TRMT2B: variants seen among roughly 807,000 people sequenced by gnomAD.
TRMT2B encodes tRNA methyltransferase 2B, also known as tRNA (uracil-5-)-methyltransferase homolog B.
A neutral mutation model predicts 39.7 loss-of-function variants in TRMT2B; 34 were observed. The observed-to-expected ratio is 0.86, with a 90% confidence interval of 0.65 to 1.14. The LOEUF (loss-of-function observed/expected upper bound fraction) is 1.14. Among genes scored for constraint, TRMT2B ranks in the 50% most tolerant of loss-of-function variants. The pLI is 0.00. For missense variants in TRMT2B, 318 were observed against 377.2 expected, an observed-to-expected ratio of 0.84 and a Z score of 1.30; for synonymous variants, 132 against 137.3, an observed-to-expected ratio of 0.96 and a Z score of 0.27.
chrX:101,005,573 CTTT>C (rs10567072), downstream of TRMT2B, among the ~76,000 whole-genome samples: 56 of 91,721 alleles, frequency 6.1e-4, no homozygotes, highest in Middle Eastern at 5.6e-3. Context: ...ATTCAGCTGC[CTTT>C]TTTTTTTTTT....
At chrX:100,977,369 C>CTTTTTTT in the TRMT2B span, among the ~76,000 whole-genome samples, 17 of 56,451 alleles carry the variant, frequency 3.0e-4, no homozygotes, top group African/African-American at 7.9e-4. Context: ...CTACTCTCTT[C>CTTTTTTT]TTTTTTTTTT....
downstream of TRMT2B, among the ~76,000 whole-genome samples, chrX:101,006,620 T>C (rs746456558): frequency 4.5e-5 from 5 of 109,979 alleles, no homozygotes; most frequent in South Asian, 2.0e-3. Flanking sequence ...CTTAGCAAGA[T>C]GGTGAGATCT....
At chrX:100,997,395 A>G in the TRMT2B span, among the ~76,000 whole-genome samples, 3 of 111,999 alleles carry the variant, frequency 2.7e-5, no homozygotes, top group Non-Finnish European at 5.6e-5. Flanking sequence ...TCACATTAAC[A>G]TTATCATCAT....
chrX:101,026,988 G>A (rs951402799), intron 7 of TRMT2B, among the ~76,000 whole-genome samples: 3 of 111,137 alleles, frequency 2.7e-5, no homozygotes, highest in Non-Finnish European at 5.7e-5. Flanking sequence ...CTAATCACAA[G>A]AACTGAACCT....
In TRMT2B at chrX:101,009,428, G is replaced by A. The variant is rs974670714; in HGVS notation, c.*1153C>T. 1 of 110,142 alleles carries A rather than the reference G, an allele frequency of 9.1e-6. No individual in the cohort carries two copies. The highest frequency in any genetic ancestry group is 3.9e-4 in the South Asian group (1 of 2,566). 9.1% of individuals were successfully genotyped at this position (110,142 alleles called of 1,213,427 possible). A position where few individuals can be genotyped will look rare whatever the true frequency, so the allele number is the denominator to read the frequency against. The stretch of plus-strand genomic sequence containing the variant: ...CTCCACACTACACAGCACAATTATA[G>A]GTATTCAGTCTCTCTGAAAATCTCC... On this transcript the variant is annotated 3_prime_UTR_variant, in exon 14 of 14. Coordinates refer to ENST00000372936, the MANE Select transcript of TRMT2B (RefSeq NM_024917.6).
chrX:100,981,648 G>GA, the TRMT2B span, among the ~76,000 whole-genome samples: 236 of 98,315 alleles, frequency 2.4e-3, no homozygotes, highest in African/African-American at 8.1e-3. Context: ...AAAAAAAAAA[G>GA]AAAAAAAAAA....
In TRMT2B at chrX:101,024,879, C is replaced by G. The variant is rs143565911; in HGVS notation, c.610-1263G>C. Among the ~76,000 whole-genome samples the G allele has an allele frequency of 7.5e-3, 816 of 109,432 alleles. 13 individuals carry two copies. The highest frequency in any genetic ancestry group is 0.01 in the Non-Finnish European group (529 of 52,562). Reference sequence around the variant, plus strand: ...AGGCATGGTGACACACGCCTGTAGCCCCAGCTACTCAAGAAGGTGGGGTGG... The same window carrying G: ...AGGCATGGTGACACACGCCTGTAGCGCCAGCTACTCAAGAAGGTGGGGTGG... On this transcript the variant is annotated intron_variant, in intron 7 of 13. Transcript: ENST00000372936.
the TRMT2B span, among the ~76,000 whole-genome samples, chrX:101,004,329 T>C: frequency 4.6e-4 from 50 of 109,639 alleles, no homozygotes; most frequent in African/African-American, 1.6e-3. Flanking sequence ...TATAAAACCC[T>C]ATCACACAGA....
At position 101,019,337 on chromosome X, in the gene TRMT2B, T is replaced by C; in HGVS notation, c.1235A>G (p.Lys412Arg). ...AGCAACAATTGACTGTCCATCTTCC[T>C]TTGACTTTAGCAGCCCTGGCAAAAT... Reference protein sequence around the residue: ...EKILPGLLKSKEDGQSIVAVV... With the variant: ...EKILPGLLKSREDGQSIVAVV... Residue 412 changes from lysine (K) to arginine (R), a missense_variant, in exon 12 of 14, where the codon AAG becomes AGG. Transcript: ENST00000372936. The C allele has an allele frequency of 8.3e-7, 1 of 1,211,590 alleles. No homozygotes were observed. The highest frequency in any genetic ancestry group is 1.8e-5 in the South Asian group (1 of 56,987).
At chrX:101,050,823 C>T (rs1169021199) in intron 2 of TRMT2B, among the ~76,000 whole-genome samples, 1 of 110,884 alleles carries the variant, frequency 9.0e-6, no homozygotes, top group African/African-American at 3.3e-5. Flanking sequence ...GCAGCCGGAT[C>T]ACAAGGTCAG....
At chrX:101,004,609 C>T (rs1019573815), downstream of TRMT2B, among the ~76,000 whole-genome samples, 1 of 111,033 alleles carries the variant, frequency 9.0e-6, no homozygotes, top group African/African-American at 3.3e-5. Flanking sequence ...TCAAGCAATT[C>T]TCCTGCCTCA....
the TRMT2B span, among the ~76,000 whole-genome samples, chrX:100,989,737 C>G: frequency 8.9e-6 from 1 of 112,382 alleles, no homozygotes. Flanking sequence ...TCCTTAGCAC[C>G]TCAGTCTCCA....
the TRMT2B span, among the ~76,000 whole-genome samples, chrX:100,985,085 C>G: frequency 2.9e-4 from 32 of 111,763 alleles, no homozygotes; most frequent in African/African-American, 9.1e-4. Flanking sequence ...TAAACAAGAT[C>G]AAAATTGACA....
chrX:101,020,440 G>A, intron 11 of TRMT2B, 47 bp downstream of exon 11: 1 of 1,066,047 alleles, frequency 9.4e-7, no homozygotes, highest in South Asian at 1.9e-5. Flanking sequence ...CCATAGCACA[G>A]AAACAACTGC....
the TRMT2B span, among the ~76,000 whole-genome samples, chrX:100,984,710 A>G: frequency 1.8e-5 from 2 of 112,011 alleles, no homozygotes. Flanking sequence ...GCAAGCACAA[A>G]AAGAGGTGAA....
chrX:101,037,981 C>T lies in TRMT2B; in HGVS notation c.374G>A (p.Ser125Asn). The change falls in exon 5 of 14, where the codon AGT (serine) becomes AAT (asparagine). Residue 125 changes from serine (S) to asparagine (N), a missense_variant. Transcript: ENST00000372936. ...AGATTTGGGTACAGCCGTTGTCACA[C>T]TGACTCCATTGAGCATTTGGATGTA... is the stretch of plus-strand genomic sequence containing the variant. ...ESYIQMLNGV[S>N]VTTAVPKSER... 8.3e-7 allele frequency: 1 copy of T among 1,209,061 alleles called. No homozygotes were observed. The highest frequency in any genetic ancestry group is 1.1e-6 in the Non-Finnish European group (1 of 893,301).
At chrX:101,025,102 T>C (rs753534490) in intron 7 of TRMT2B, among the ~76,000 whole-genome samples, 2 of 111,598 alleles carry the variant, frequency 1.8e-5, no homozygotes. Flanking sequence ...GTCTGACATA[T>C]GTGTTCAATA....
intron 2 of TRMT2B, among the ~76,000 whole-genome samples, chrX:101,045,587 T>C (rs978451183): frequency 2.9e-5 from 3 of 105,218 alleles, no homozygotes; most frequent in African/African-American, 1.0e-4. Context: ...CTGAGCAACA[T>C]AGTGAAATCT....
intron 5 of TRMT2B, 87 bp from the exon 6 acceptor site, chrX:101,037,160 T>G: frequency 1.4e-6 from 1 of 730,162 alleles, no homozygotes; most frequent in Non-Finnish European, 2.1e-6. Flanking sequence ...GAATGTTCTC[T>G]GGATGAGGAC....
Sources: allele counts gnomAD v4.1 joint callset (sites outside exome capture counted in the v4.1 genomes callset), GRCh38; gene constraint gnomAD v4.1.1; transcripts MANE v1.5; gene names NCBI Gene and HGNC (gene_info 2026-07-23, HGNC 2026-07-21).